The following NAALADL2 variants were observed in gnomAD, a reference collection of about 807,000 sequenced individuals.
NAALADL2 encodes N-acetylated alpha-linked acidic dipeptidase like 2.
Under a neutral mutation model 87.2 loss-of-function variants are expected in NAALADL2, and 76 were observed. The observed-to-expected ratio is 0.87, with a 90% CI of 0.72 to 1.05. NAALADL2 has a LOEUF of 1.05. Ranked by LOEUF, NAALADL2 falls within the 50% of genes least tolerant of loss-of-function variation. The pLI, the probability that NAALADL2 is intolerant of heterozygous loss-of-function variation, is 0.00. For synonymous variants in NAALADL2, 354 were observed against 331.0 expected (o/e 1.07, Z -0.75); for missense variants, 1,089 against 945.8 (o/e 1.15, Z -1.99).
intron 12 of NAALADL2, 47 bp downstream of exon 12, chr3:175,737,446 C>A: frequency 8.4e-7 from 1 of 1,188,122 alleles, no homozygotes; most frequent in Non-Finnish European, 1.3e-6. Flanking sequence ...AAAAATTGTT[C>A]AACTAATTTT....
At position 175,682,412 on chromosome 3, in the gene NAALADL2, G is replaced by A. The variant is rs140888346; in HGVS notation, c.1897-54894G>A. On this transcript the variant is annotated intron_variant, in intron 11 of 13. Coordinates refer to ENST00000454872, the MANE Select transcript of NAALADL2 (RefSeq NM_207015.3). Reference sequence around the variant, plus strand: ...ATAATATTGCATTTGAAAAGATACAGCTGCAGAAAGAATTAATGAATTGGA... The same window carrying A: ...ATAATATTGCATTTGAAAAGATACAACTGCAGAAAGAATTAATGAATTGGA... Among the ~76,000 whole-genome samples the A allele has an allele frequency of 2.6e-5, 4 of 152,030 alleles. No homozygotes were observed. In the East Asian group the frequency reaches 5.8e-4, roughly 22 times the overall value.
chr3:175,049,676 A>G (rs998321478), intron 1 of NAALADL2, among the ~76,000 whole-genome samples: 1 of 152,182 alleles, frequency 6.6e-6, no homozygotes, highest in Admixed American at 6.5e-5. Flanking sequence ...TTATCCTTTA[A>G]TAAAAAAGGG....
chr3:175,724,225 T>A (rs1742635997), intron 11 of NAALADL2, among the ~76,000 whole-genome samples: 1 of 152,140 alleles, frequency 6.6e-6, no homozygotes, highest in African/African-American at 2.4e-5. Flanking sequence ...ATTCTTGAAT[T>A]GTTGGGCTAT....
rs561830688 is a variant in NAALADL2 at position 175,060,000 on chromosome 3, A to T, written c.44-36790A>T. On this transcript the variant is annotated intron_variant, in intron 1 of 13. Transcript: ENST00000454872. ...GGTAATCATTGAGCACATGGAGGCC[A>T]GCAGGGCTTTTCAGGTCTCTGAAAC... The T allele has an allele frequency of 5.3e-4, 227 of 431,110 alleles. 1 individual carries two copies. Among genetic ancestry groups the T allele is most frequent in the Non-Finnish European group, 9.6e-4 (208 of 215,998 alleles). 26.7% of individuals were successfully genotyped at this position (431,110 alleles called of 1,614,324 possible). A position where few individuals can be genotyped will look rare whatever the true frequency, so the allele number is the denominator to read the frequency against.
intron 2 of NAALADL2, among the ~76,000 whole-genome samples, chr3:175,205,623 G>A (rs545101129): frequency 1.3e-5 from 2 of 152,220 alleles, no homozygotes; most frequent in East Asian, 1.9e-4. Flanking sequence ...AAGAGCTTTT[G>A]CATGACAAAA....
intron 2 of NAALADL2, among the ~76,000 whole-genome samples, chr3:175,133,066 C>T (rs1728427313): frequency 6.7e-6 from 1 of 150,188 alleles, no homozygotes; most frequent in African/African-American, 2.5e-5. Flanking sequence ...GGCAGAGGCG[C>T]TCCCCACATC....
intron 4 of NAALADL2, among the ~76,000 whole-genome samples, chr3:175,276,323 C>T (rs1482894668): frequency 6.3e-5 from 8 of 126,006 alleles, no homozygotes; most frequent in South Asian, 4.9e-4. Context: ...TTTTTTGAGA[C>T]GAAGCCTCGC....
At position 174,531,250 on chromosome 3, in the gene NAALADL2, T is replaced by G. The variant is rs541417929; in HGVS notation, c.-183-19319T>G. Among the ~76,000 whole-genome samples the G allele has an allele frequency of 7.9e-5, 12 of 152,296 alleles. No homozygotes were observed. The East Asian group carries it at 2.3e-3, about 29-fold the overall frequency. On this transcript the variant is annotated intron_variant, in intron 1 of 3. Coordinates refer to the NAALADL2 transcript ENST00000434257. The stretch of plus-strand genomic sequence containing the variant: ...TGCTCATTTTTAGTCCTTTTAGTCA[T>G]TATTTCCATGGCTCTGCATTTTTTT...
intron 1 of NAALADL2, among the ~76,000 whole-genome samples, chr3:174,876,524 G>T (rs959338854): frequency 6.6e-6 from 1 of 152,134 alleles, no homozygotes; most frequent in Non-Finnish European, 1.5e-5. Context: ...ATACAGTTTT[G>T]TGTGATATCA....
chr3:175,515,649 A>G (rs1156850433), intron 9 of NAALADL2, among the ~76,000 whole-genome samples: 1 of 152,196 alleles, frequency 6.6e-6, no homozygotes, highest in African/African-American at 2.4e-5. Context: ...ATTAGGCACA[A>G]ACCAATGAAA....
At chr3:175,016,785 C>A (rs1580046464) in intron 1 of NAALADL2, among the ~76,000 whole-genome samples, 1 of 151,720 alleles carries the variant, frequency 6.6e-6, no homozygotes, top group African/African-American at 2.4e-5. Context: ...TTCTTTTTAT[C>A]TTTTATTGAT....
chr3:174,946,820 ACT>A (rs1289089700), intron 1 of NAALADL2, among the ~76,000 whole-genome samples: 7 of 151,904 alleles, frequency 4.6e-5, no homozygotes, highest in African/African-American at 1.5e-4. Flanking sequence ...CACAGTGAAA[ACT>A]CTGCATACTC....
chr3:174,589,152 C>T (rs929685061), intron 2 of NAALADL2, among the ~76,000 whole-genome samples: 5 of 152,186 alleles, frequency 3.3e-5, no homozygotes, highest in African/African-American at 4.8e-5. Flanking sequence ...GAGCGAGGCT[C>T]CTTGGGCGTG....
In NAALADL2 at chr3:175,339,146, G is replaced by A. The variant is rs1422941619; in HGVS notation, c.1090+14821G>A. Among the ~76,000 whole-genome samples the A allele has an allele frequency of 2.0e-5, 3 of 151,654 alleles. No homozygotes were observed. The East Asian group carries it at 5.8e-4, about 29-fold the overall frequency. On this transcript the variant is annotated intron_variant, in intron 5 of 13. Coordinates refer to ENST00000454872, the MANE Select transcript of NAALADL2 (RefSeq NM_207015.3). ...CTTCAGCAGACTTGAGGAGGATAAA[G>A]TTAAATCTTGGATTTAATATTGCAA...
intron 5 of NAALADL2, among the ~76,000 whole-genome samples, chr3:175,365,516 C>T (rs1765452165): frequency 6.8e-6 from 1 of 147,482 alleles, no homozygotes. Context: ...AAGGTTAAAT[C>T]ATTATGACCC....
chr3:175,147,465 C>T (rs770315828), intron 2 of NAALADL2, among the ~76,000 whole-genome samples: 8 of 152,042 alleles, frequency 5.3e-5, no homozygotes, highest in Non-Finnish European at 8.8e-5. Context: ...ATATTATGTA[C>T]CACATTTTCT....
At chr3:175,188,267 A>G (rs1193916645) in intron 2 of NAALADL2, among the ~76,000 whole-genome samples, 1 of 152,094 alleles carries the variant, frequency 6.6e-6, no homozygotes, top group Non-Finnish European at 1.5e-5. Context: ...TTAAAATACA[A>G]ATTGTATTGT....
chr3:175,427,217 C>A (rs1560533204), intron 5 of NAALADL2, among the ~76,000 whole-genome samples: 1 of 152,108 alleles, frequency 6.6e-6, no homozygotes, highest in Admixed American at 6.6e-5. Flanking sequence ...CTCTGAAAGC[C>A]TGTTTTTAAC....
At chr3:174,840,328 T>C (rs966209780) in intron 3 of NAALADL2, among the ~76,000 whole-genome samples, 1 of 152,062 alleles carries the variant, frequency 6.6e-6, no homozygotes, top group Non-Finnish European at 1.5e-5. Flanking sequence ...TGAACACTTA[T>C]GAATCCGGCA....
Sources: allele counts gnomAD v4.1 joint callset (sites outside exome capture counted in the v4.1 genomes callset), GRCh38; gene constraint gnomAD v4.1.1; transcripts MANE v1.5; gene names NCBI Gene and HGNC (gene_info 2026-07-23, HGNC 2026-07-21).